The following SPAG9 variants were observed in gnomAD, a reference collection of about 807,000 sequenced individuals.
The protein encoded by SPAG9 is C-Jun-amino-terminal kinase-interacting protein 4.
Under a neutral mutation model 166.5 loss-of-function variants are expected in SPAG9, and 35 were observed. That is an observed-to-expected ratio of 0.21 (90% CI 0.16 to 0.28). The LOEUF (loss-of-function observed/expected upper bound fraction) is 0.28, where lower values mean the gene tolerates loss of function less well. SPAG9 is among the 10% of genes least tolerant of loss of function. The pLI is 1.00. For synonymous variants in SPAG9, 534 were observed against 565.5 expected (o/e 0.94, Z 0.79); for missense variants, 1,235 against 1,603.3 (o/e 0.77, Z 3.92).
chr17:51,041,843 A>T (rs963687084), intron 4 of SPAG9, among the ~76,000 whole-genome samples, 192 bp from the exon 5 acceptor site: 1 of 152,248 alleles, frequency 6.6e-6, no homozygotes, highest in African/African-American at 2.4e-5. Context: ...TCAGGAAATT[A>T]GCCTCAAGAA....
At position 51,066,567 on chromosome 17, in the gene SPAG9, G is replaced by GAAAAA. The variant is rs71149340; in HGVS notation, c.425-10090_425-10086dup. 5.3e-4 allele frequency among the ~76,000 whole-genome samples: 59 copies of GAAAAA among 110,840 alleles called. 4 individuals carry two copies. Among genetic ancestry groups the GAAAAA allele is most frequent in the African/African-American group, 1.9e-3 (54 of 28,114 alleles). 72.7% of individuals were successfully genotyped at this position (110,840 alleles called of 152,430 possible). A position where few individuals can be genotyped will look rare whatever the true frequency, so the allele number is the denominator to read the frequency against. On this transcript the variant is annotated intron_variant, in intron 2 of 29. Transcript: ENST00000262013. ...GAGACTCTGTCTCAAAAAAAAAAAA[G>GAAAAA]AAAAAAAAAAAAAAGACCATGGCTC...
intron 3 of SPAG9, among the ~76,000 whole-genome samples, chr17:51,048,264 A>G (rs995330435): frequency 3.9e-5 from 6 of 152,114 alleles, no homozygotes; most frequent in African/African-American, 1.4e-4. Context: ...TTTCACTTTT[A>G]AAAAGCCTAA....
At chr17:50,979,655 A>T in intron 26 of SPAG9, 91 bp downstream of exon 26, 1 of 1,299,958 alleles carries the variant, frequency 7.7e-7, no homozygotes, top group Non-Finnish European at 1.1e-6. Flanking sequence ...ATCCTGGGCA[A>T]CAAAGCAAGA....
chr17:51,039,273 T>A (rs1331445160), intron 5 of SPAG9, among the ~76,000 whole-genome samples: 2 of 152,226 alleles, frequency 1.3e-5, no homozygotes, highest in Non-Finnish European at 2.9e-5. Flanking sequence ...GTCCAATTCC[T>A]GTTATACACA....
chr17:50,968,987 C>T (rs1003279386), intron 29 of SPAG9, among the ~76,000 whole-genome samples: 6 of 151,680 alleles, frequency 4.0e-5, no homozygotes, highest in Non-Finnish European at 5.9e-5. Context: ...GGCTGGAGTG[C>T]AGTGGTGTGA....
chr17:51,108,944 C>T (rs75854134), intron 1 of SPAG9, among the ~76,000 whole-genome samples: 10,812 of 151,890 alleles, frequency 0.071, 407 homozygotes, highest in Non-Finnish European at 0.09. Context: ...GATTCTCCTG[C>T]CTCAGCCTCC....
intron 2 of SPAG9, among the ~76,000 whole-genome samples, chr17:51,058,913 A>C (rs1371646074): frequency 6.6e-6 from 1 of 152,236 alleles, no homozygotes; most frequent in Admixed American, 6.5e-5. Context: ...ACCCTATCAC[A>C]AAACAATGTC....
At chr17:51,046,022 C>T (rs1335254633) in intron 4 of SPAG9, among the ~76,000 whole-genome samples, 1 of 152,102 alleles carries the variant, frequency 6.6e-6, no homozygotes, top group African/African-American at 2.4e-5. Context: ...ATTGTCAGTT[C>T]CCATGAGCTA....
chr17:50,964,587 CAAAAA>C lies in SPAG9; in HGVS notation c.*1680_*1684del, dbSNP rs373004587. The C allele has an allele frequency of 2.3e-5, 4 of 177,602 alleles. No individual in the cohort carries two copies. Among genetic ancestry groups the C allele is most frequent in the South Asian group, 4.6e-5 (1 of 21,834 alleles). 11.0% of individuals were successfully genotyped at this position (177,602 alleles called of 1,614,324 possible). A position where few individuals can be genotyped will look rare whatever the true frequency, so the allele number is the denominator to read the frequency against. ...TGGGCAACAGAGCCAGACTCCGTCT[CAAAAA>C]AAAAAAAAAAAATCATATTTAGCTT... On this transcript the variant is annotated 3_prime_UTR_variant, in exon 30 of 30. Transcript: ENST00000262013.
At position 51,044,945 on chromosome 17, in the gene SPAG9, A is replaced by T. The variant is rs533420771; in HGVS notation, c.590+2430T>A. Among the ~76,000 whole-genome samples the T allele has an allele frequency of 2.0e-5, 3 of 152,354 alleles. No individual in the cohort carries two copies. The South Asian group carries it at 6.2e-4, about 32-fold the overall frequency. On this transcript the variant is annotated intron_variant, in intron 4 of 29. Transcript: ENST00000262013. ...TATAAGGTATTTTAGCTGTAGCTAAAACAATTTCTGCTAAAAATGGACACA... is the reference window on the plus strand; with the variant it reads ...TATAAGGTATTTTAGCTGTAGCTAATACAATTTCTGCTAAAAATGGACACA...
chr17:51,054,726 G>A (rs923561581), intron 3 of SPAG9, among the ~76,000 whole-genome samples: 1 of 151,952 alleles, frequency 6.6e-6, no homozygotes, highest in Non-Finnish European at 1.5e-5. Context: ...GTGAGCCACC[G>A]CACCTGGCCA....
intron 1 of SPAG9, among the ~76,000 whole-genome samples, chr17:51,110,866 T>C (rs1164722182): frequency 6.6e-6 from 1 of 152,000 alleles, no homozygotes; most frequent in Non-Finnish European, 1.5e-5. Flanking sequence ...ATGCCTGTAA[T>C]CCCACCACTT....
chr17:50,997,432 T>C (rs186245441), intron 15 of SPAG9, among the ~76,000 whole-genome samples: 5 of 152,368 alleles, frequency 3.3e-5, no homozygotes, highest in Admixed American at 2.6e-4. Flanking sequence ...AATCAATATC[T>C]GCTTAGGAAG....
intron 9 of SPAG9, among the ~76,000 whole-genome samples, chr17:51,013,909 CACACACACAT>C (rs925454200): frequency 6.3e-5 from 9 of 143,960 alleles, no homozygotes; most frequent in African/African-American, 2.7e-4. Flanking sequence ...CATACACACA[CACACACACAT>C]ACACACACAC....
intron 19 of SPAG9, among the ~76,000 whole-genome samples, chr17:50,992,496 C>A (rs1361488071): frequency 6.6e-6 from 1 of 152,004 alleles, no homozygotes; most frequent in Admixed American, 6.6e-5. Flanking sequence ...CATGGTGAAA[C>A]CCTGCCTACA....
In SPAG9 at chr17:50,990,455, G is replaced by C. The variant is rs754812134; in HGVS notation, c.2612C>G (p.Pro871Arg). ...TNGASPVMDK[P>R]PEMEAENSEV... is the part of the protein sequence containing the mutation. ...GGTAAAGAGAATGGATATACCTGGT[G>C]GTTTATCCATCACTGGAGAAGCACC... Residue 871 changes from proline to arginine, a missense_variant, in exon 20 of 30, where the codon CCA becomes CGA. Physicochemically the swap from Pro to Arg is moderately radical, Grantham distance 103. This residue lies in a region of SPAG9 where 493 missense variants were observed against 559.4 expected (regional missense o/e 0.88). Coordinates refer to ENST00000262013, the MANE Select transcript of SPAG9 (RefSeq NM_001130528.3). 1 of 1,611,670 alleles carries C rather than the reference G, an allele frequency of 6.2e-7. No individual in the cohort carries two copies. The highest frequency in any genetic ancestry group is 2.2e-5 in the East Asian group (1 of 44,886).
In SPAG9 at chr17:51,053,861, A is replaced by AG. The variant is rs2047269538; in HGVS notation, c.495+2550_495+2551insC. On this transcript the variant is annotated intron_variant, in intron 3 of 29. Coordinates refer to ENST00000262013, the MANE Select transcript of SPAG9 (RefSeq NM_001130528.3). ...TAAAAAAAAAAAAAAAAAAGTATAT[A>AG]TATATATATATATATATATATATAT... Among the ~76,000 whole-genome samples, 255 of 58,806 alleles carry AG rather than the reference A, an allele frequency of 4.3e-3. 2 individuals carry two copies. Among genetic ancestry groups the AG allele is most frequent in the African/African-American group, 0.023 (216 of 9,374 alleles). 38.6% of individuals were successfully genotyped at this position (58,806 alleles called of 152,430 possible).
chr17:51,117,905 G>A lies in SPAG9; in HGVS notation c.303+2449C>T, dbSNP rs1361122486. Among the ~76,000 whole-genome samples, 4 of 151,644 alleles carry A rather than the reference G, an allele frequency of 2.6e-5. No individual in the cohort carries two copies. In the East Asian group the frequency reaches 5.8e-4, roughly 22 times the overall value. ...TCCCAGTACTTTGGGAGGCTGAGGC[G>A]AGTGGATTGCCTGAGCTCAGGAGTT... is the stretch of plus-strand genomic sequence containing the variant. On this transcript the variant is annotated intron_variant, in intron 1 of 29. Coordinates refer to ENST00000262013, the MANE Select transcript of SPAG9 (RefSeq NM_001130528.3).
At chr17:50,982,773 A>T in intron 24 of SPAG9, 101 bp from the exon 25 acceptor site, 1 of 1,062,922 alleles carries the variant, frequency 9.4e-7, no homozygotes, top group Non-Finnish European at 1.3e-6. Flanking sequence ...TTATTGAGGA[A>T]GCACTCAAAG....
Sources: allele counts gnomAD v4.1 joint callset (sites outside exome capture counted in the v4.1 genomes callset), GRCh38; gene constraint gnomAD v4.1.1; regional missense constraint gnomAD v4.1.1; transcripts MANE v1.5; gene names NCBI Gene and HGNC (gene_info 2026-07-23, HGNC 2026-07-21).